Variants in PTPRD observed in about 807,000 individuals in gnomAD.
The protein encoded by PTPRD is receptor-type tyrosine-protein phosphatase delta.
A neutral mutation model predicts 214.5 loss-of-function variants in PTPRD; 34 were observed. That is an observed-to-expected ratio of 0.16 (90% CI 0.12 to 0.21). The LOEUF (loss-of-function observed/expected upper bound fraction) is 0.21. Ranked by LOEUF, PTPRD falls within the 10% of genes least tolerant of loss-of-function variation. PTPRD has a pLI of 1.00. For synonymous variants in PTPRD, 1,128 were observed against 845.7 expected (o/e 1.33, Z -5.79); for missense variants, 2,545 against 2,398.7 (o/e 1.06, Z -1.27).
At chr9:10,165,105 A>G (rs1387278393) in intron 3 of PTPRD, among the ~76,000 whole-genome samples, 1 of 151,720 alleles carries the variant, frequency 6.6e-6, no homozygotes, top group Non-Finnish European at 1.5e-5. Flanking sequence ...GCCCTACAGA[A>G]ACAAAAGCAC....
At chr9:8,850,074 C>A (rs1275078339) in intron 11 of PTPRD, among the ~76,000 whole-genome samples, 1 of 151,968 alleles carries the variant, frequency 6.6e-6, no homozygotes, top group Non-Finnish European at 1.5e-5. Flanking sequence ...GGTTTCTGAT[C>A]AAGGGATAAC....
intron 5 of PTPRD, among the ~76,000 whole-genome samples, chr9:9,853,620 G>C (rs1474806135): frequency 2.6e-5 from 4 of 151,732 alleles, no homozygotes; most frequent in Non-Finnish European, 5.9e-5. Flanking sequence ...ACTATCTCAG[G>C]TCGCTGCAAC....
chr9:9,933,302 G>T (rs1362189295), intron 5 of PTPRD, among the ~76,000 whole-genome samples: 5 of 152,266 alleles, frequency 3.3e-5, no homozygotes, highest in Admixed American at 3.3e-4. Flanking sequence ...AAAGAGTCAA[G>T]ACCCATCAGT....
At chr9:9,448,044 T>C (rs547732498) in intron 8 of PTPRD, among the ~76,000 whole-genome samples, 15 of 152,168 alleles carry the variant, frequency 9.9e-5, no homozygotes, top group Non-Finnish European at 1.8e-4. Context: ...TGACTTGTGT[T>C]TGAAGGGGTT....
intron 33 of PTPRD, among the ~76,000 whole-genome samples, chr9:8,459,769 T>C (rs1289738178): frequency 2.0e-5 from 3 of 152,126 alleles, no homozygotes; most frequent in African/African-American, 7.2e-5. Flanking sequence ...ACTGAGATTA[T>C]ATTTTTTAAA....
chr9:10,304,407 G>A (rs1470070455), intron 3 of PTPRD, among the ~76,000 whole-genome samples: 1 of 152,130 alleles, frequency 6.6e-6, no homozygotes, highest in Admixed American at 6.5e-5. Flanking sequence ...TGGAAGTTCT[G>A]GCCGGTGAAT....
At chr9:8,965,774 G>T (rs1463972863) in intron 11 of PTPRD, among the ~76,000 whole-genome samples, 1 of 152,062 alleles carries the variant, frequency 6.6e-6, no homozygotes, top group Admixed American at 6.6e-5. Context: ...CATAGCATCA[G>T]AAGTTCTAGC....
chr9:10,024,301 G>C (rs545679118), intron 4 of PTPRD, among the ~76,000 whole-genome samples: 1 of 152,188 alleles, frequency 6.6e-6, no homozygotes, highest in African/African-American at 2.4e-5. Flanking sequence ...AGCTGCTTCT[G>C]AACCAGGAAG....
intron 9 of PTPRD, among the ~76,000 whole-genome samples, chr9:9,320,145 G>A (rs1011411942): frequency 7.2e-5 from 11 of 152,152 alleles, no homozygotes; most frequent in Admixed American, 6.5e-4. Flanking sequence ...ATTCCTTTTT[G>A]TAATGTCAAA....
intron 12 of PTPRD, among the ~76,000 whole-genome samples, chr9:8,646,143 TA>T (rs2096684656): frequency 6.6e-6 from 1 of 151,814 alleles, no homozygotes; most frequent in South Asian, 2.1e-4. Flanking sequence ...TGGGACTGGG[TA>T]ATTAATTTAC....
chr9:8,556,396 TAAC>T (rs1479537873), intron 14 of PTPRD, among the ~76,000 whole-genome samples: 1 of 152,172 alleles, frequency 6.6e-6, no homozygotes, highest in Non-Finnish European at 1.5e-5. Context: ...TAATATACAC[TAAC>T]AACAACAAAA....
intron 2 of PTPRD, among the ~76,000 whole-genome samples, chr9:10,462,611 A>G (rs1353805682): frequency 6.6e-6 from 1 of 152,138 alleles, no homozygotes; most frequent in Non-Finnish European, 1.5e-5. Flanking sequence ...TTTTGTCTGG[A>G]TAAGAGTAAG....
At chr9:8,830,731 G>A (rs1009031297) in intron 11 of PTPRD, among the ~76,000 whole-genome samples, 4 of 152,066 alleles carry the variant, frequency 2.6e-5, no homozygotes, top group Admixed American at 2.6e-4. Flanking sequence ...GAGAAAACAA[G>A]TGCAAATGGT....
intron 3 of PTPRD, among the ~76,000 whole-genome samples, chr9:10,325,705 C>G (rs2096631199): frequency 6.6e-6 from 1 of 151,768 alleles, no homozygotes; most frequent in Non-Finnish European, 1.5e-5. Flanking sequence ...AAACTGCAGG[C>G]TGATTAAATT....
intron 13 of PTPRD, 32 bp downstream of exon 13, chr9:8,636,667 C>G (rs2154327725): frequency 6.2e-7 from 1 of 1,608,934 alleles, no homozygotes; most frequent in Non-Finnish European, 8.5e-7. Flanking sequence ...ATACATTCTT[C>G]CCCCAGAGAA....
intron 7 of PTPRD, among the ~76,000 whole-genome samples, chr9:9,597,241 G>C (rs1010542254): frequency 6.6e-6 from 1 of 151,948 alleles, no homozygotes; most frequent in African/African-American, 2.4e-5. Flanking sequence ...CCCCACCGCA[G>C]GATATCATCC....
intron 31 of PTPRD, among the ~76,000 whole-genome samples, chr9:8,467,811 T>C (rs1169959793): frequency 6.6e-6 from 1 of 151,930 alleles, no homozygotes; most frequent in Admixed American, 6.6e-5. Flanking sequence ...AAATATTTAA[T>C]GAAGTATTAT....
At chr9:9,357,637 A>C (rs925456873) in intron 9 of PTPRD, among the ~76,000 whole-genome samples, 1 of 151,206 alleles carries the variant, frequency 6.6e-6, no homozygotes, top group African/African-American at 2.4e-5. Context: ...AAAGTGATTA[A>C]ATATAGGTCT....
At chr9:9,225,094 G>C (rs115863638) in intron 9 of PTPRD, among the ~76,000 whole-genome samples, 4 of 152,060 alleles carry the variant, frequency 2.6e-5, no homozygotes, top group African/African-American at 9.6e-5. Context: ...TCTACAAAGA[G>C]TTATGATTAA....
Sources: allele counts gnomAD v4.1 joint callset (sites outside exome capture counted in the v4.1 genomes callset), GRCh38; gene constraint gnomAD v4.1.1; transcripts MANE v1.5; gene names NCBI Gene and HGNC (gene_info 2026-07-23, HGNC 2026-07-21).